Variants in ALYREF observed in about 807,000 individuals in gnomAD.
The protein encoded by ALYREF is THO complex subunit 4.
Under a neutral mutation model 25.2 loss-of-function variants are expected in ALYREF, and 1 was observed. The ratio of observed to expected loss-of-function variants is 0.04; its 90% CI spans 0.01 to 0.19. ALYREF has a LOEUF of 0.19. Ranked by LOEUF, ALYREF falls within the 10% of genes least tolerant of loss-of-function variation. ALYREF has a pLI of 1.00. For missense variants in ALYREF, 328 were observed against 375.6 expected (o/e 0.87, Z 1.05); for synonymous variants, 193 against 153.5 (o/e 1.26, Z -1.90).
At position 81,888,922 on chromosome 17, in the gene ALYREF, G is replaced by C; in HGVS notation, c.538+260C>G. 7.1e-7 allele frequency: 1 copy of C among 1,411,192 alleles called. No individual in the cohort carries two copies. Among genetic ancestry groups the C allele is most frequent in the Non-Finnish European group, 9.2e-7 (1 of 1,084,594 alleles). The allele number at this position is 1,411,192 out of a possible 1,614,324, so 87.4% of individuals were successfully genotyped here. On this transcript the variant is annotated intron_variant, in intron 3 of 5. Coordinates refer to ENST00000505490, the MANE Select transcript of ALYREF (RefSeq NM_005782.4). The surrounding 1 kb of genome is among the most constrained non-coding windows in gnomAD (Gnocchi z 5.8). ...CCCGCACTCAGAGGTGTACTATGGC[G>C]GTTCTGAGAAGGCTTCACAGAAGTG...
At position 81,890,829 on chromosome 17, in the gene ALYREF, A is replaced by C. The variant is rs1197649589; in HGVS notation, c.259-9T>G. ...TCGGGAAGTTGTTTTGGCTGAAAAA[A>C]AAACCGCAACAAGAGCAGATCTGTG... On this transcript the variant is annotated splice_polypyrimidine_tract_variant and intron_variant, in intron 1 of 5. Coordinates refer to ENST00000505490, the MANE Select transcript of ALYREF (RefSeq NM_005782.4). 1 of 1,614,010 alleles carries C rather than the reference A, an allele frequency of 6.2e-7. No homozygotes were observed.
chr17:81,888,112 C>G lies in ALYREF; in HGVS notation c.*19G>C, dbSNP rs374614336. 10 of 1,613,940 alleles carry G rather than the reference C, an allele frequency of 6.2e-6. No individual in the cohort carries two copies. Among genetic ancestry groups the G allele is most frequent in the South Asian group, 2.2e-5 (2 of 91,080 alleles). On this transcript the variant is annotated 3_prime_UTR_variant, in exon 6 of 6. Transcript: ENST00000505490. The surrounding 1 kb of genome is among the most constrained non-coding windows in gnomAD (Gnocchi z 5.8). ...GGAGACGCCTGGGTCCTGTTCCGCA[C>G]GCGGATTTGCTGGTCTGTTTAACTG...
intron 2 of ALYREF, among the ~76,000 whole-genome samples, chr17:81,889,598 C>T (rs528481434): frequency 6.6e-6 from 1 of 152,290 alleles, no homozygotes; most frequent in African/African-American, 2.4e-5. Context: ...GCAACGGGCA[C>T]AAAATTAAGC....
At chr17:81,889,391 A>G (rs1259380184) in intron 2 of ALYREF, 62 bp from the exon 3 acceptor site, 1 of 1,590,536 alleles carries the variant, frequency 6.3e-7, no homozygotes, top group East Asian at 2.2e-5. Context: ...CTGGTGGCCC[A>G]GGGACAGGCC....
Position 81,888,100 on chromosome 17 carries a change from T to C in ALYREF, c.*31A>G. ...CAGGGAGCAAGAGGAGACGCCTGGG[T>C]CCTGTTCCGCACGCGGATTTGCTGG... On this transcript the variant is annotated 3_prime_UTR_variant, in exon 6 of 6. Coordinates refer to ENST00000505490, the MANE Select transcript of ALYREF (RefSeq NM_005782.4). This position sits in a 1 kb window ranked among gnomAD's most constrained non-coding sequence, Gnocchi z 5.8. The C allele has an allele frequency of 6.2e-7, 1 of 1,613,524 alleles. No homozygotes were observed. The highest frequency in any genetic ancestry group is 8.5e-7 in the Non-Finnish European group (1 of 1,179,972).
chr17:81,888,304 C>T lies in ALYREF; in HGVS notation c.717G>A (p.Arg239=), dbSNP rs765953765. 1 of 1,607,652 alleles carries T rather than the reference C, an allele frequency of 6.2e-7. No individual in the cohort carries two copies. The highest frequency in any genetic ancestry group is 1.1e-5 in the South Asian group (1 of 90,980). The change falls in exon 5 of 6, where the codon AGG becomes AGA. Residue 239 remains arginine (R), a synonymous_variant. Coordinates refer to ENST00000505490, the MANE Select transcript of ALYREF (RefSeq NM_005782.4). This position sits in a 1 kb window ranked among gnomAD's most constrained non-coding sequence, Gnocchi z 5.8. ...GARGRGRGAG[R]NSKQQLSAEE... is the part of the protein sequence containing the mutation. ...CTGCCGAAAGCTGCTGCTTTGAATT[C>T]CTGCCGGCACCTCTGCCTCTTCCAC...
At position 81,890,768 on chromosome 17, in the gene ALYREF, C is replaced by T; in HGVS notation, c.311G>A (p.Gly104Asp). The T allele has an allele frequency of 1.2e-6, 2 of 1,614,152 alleles. No homozygotes were observed. The highest frequency in any genetic ancestry group is 1.7e-6 in the Non-Finnish European group (2 of 1,180,030). The change falls in exon 2 of 6, where the codon GGC (glycine) becomes GAC (aspartate). Residue 104 changes from glycine (G) to aspartate (D), a missense_variant. Gly to Asp is a moderately conservative substitution (Grantham distance 94). This residue lies in a region of ALYREF where 70 missense variants were observed against 129.9 expected (regional missense o/e 0.54). Coordinates refer to ENST00000505490, the MANE Select transcript of ALYREF (RefSeq NM_005782.4). ...ACCTGTCTCCACGCCGGCACCACCG[C>T]CGAAGCCACTGTCGAAAAGATCGTG... ...WQHDLFDSGFGGGAGVETGGK... is the reference protein window; with the variant it reads ...WQHDLFDSGFDGGAGVETGGK...
chr17:81,890,657 G>C (rs567034903), intron 2 of ALYREF, 32 bp downstream of exon 2: 1 of 1,608,696 alleles, frequency 6.2e-7, no homozygotes, highest in East Asian at 2.2e-5. Flanking sequence ...TGTGCAGGGC[G>C]AACGGCTCAC....
chr17:81,889,427 T>C (rs1598290807), intron 2 of ALYREF, 98 bp from the exon 3 acceptor site: 1 of 1,412,120 alleles, frequency 7.1e-7, no homozygotes. Flanking sequence ...GCTTTGGGGG[T>C]GGTTCTCTGG....
At chr17:81,890,855 A>C in intron 1 of ALYREF, 35 bp from the exon 2 acceptor site, 1 of 1,613,700 alleles carries the variant, frequency 6.2e-7, no homozygotes, top group African/African-American at 1.3e-5. Flanking sequence ...CAGATCTGTG[A>C]GTCTCAGTCC....
intron 2 of ALYREF, chr17:81,889,691 G>A (rs776007565): frequency 2.2e-5 from 5 of 227,706 alleles, no homozygotes; most frequent in Non-Finnish European, 3.6e-5. Flanking sequence ...TCAAGAGCAA[G>A]GGAAGCAGTC....
Position 81,888,055 on chromosome 17 carries a change from C to T in ALYREF, c.*76G>A. 1 of 1,593,686 alleles carries T rather than the reference C, an allele frequency of 6.3e-7. No homozygotes were observed. The highest frequency in any genetic ancestry group is 2.2e-5 in the East Asian group (1 of 44,726). ...ACAAATCCATCATTGGCCGCACAGC[C>T]CCAGCCACCGCCCCCCAACCAGGGA... is the stretch of plus-strand genomic sequence containing the variant. On this transcript the variant is annotated 3_prime_UTR_variant, in exon 6 of 6. Coordinates refer to ENST00000505490, the MANE Select transcript of ALYREF (RefSeq NM_005782.4). This position sits in a 1 kb window ranked among gnomAD's most constrained non-coding sequence, Gnocchi z 5.8.
Position 81,891,520 on chromosome 17 carries a change from T to C in ALYREF, c.61A>G (p.Lys21Glu), listed in dbSNP as rs567109460. ...KMDMSLDDIIKLNRSQRGGRG... is the reference protein window; with the variant it reads ...KMDMSLDDIIELNRSQRGGRG... The stretch of plus-strand genomic sequence containing the variant: ...CCGCCTCGCTGGCTCCGGTTCAGTT[T>C]AATGATGTCGTCCAGAGACATGTCC... Residue 21 changes from lysine (K) to glutamate (E), a missense_variant, in exon 1 of 6, where the codon AAA (lysine) becomes GAA (glutamate). Transcript: ENST00000505490. 11 of 1,403,482 alleles carry C rather than the reference T, an allele frequency of 7.8e-6. No homozygotes were observed. In the African/African-American group the frequency reaches 9.1e-5, roughly 12 times the overall value. 86.9% of individuals were successfully genotyped at this position (1,403,482 alleles called of 1,614,324 possible). A position where few individuals can be genotyped will look rare whatever the true frequency, so the allele number is the denominator to read the frequency against.
rs906820307 is a variant in ALYREF at position 81,890,917 on chromosome 17, G to A, written c.259-97C>T. ...TCCGGACCCTTCCTCTTCCCGGCCT[G>A]AGAGGATCCGGCCGAAACGGGGCCG... is the stretch of plus-strand genomic sequence containing the variant. On this transcript the variant is annotated intron_variant, in intron 1 of 5. Coordinates refer to ENST00000505490, the MANE Select transcript of ALYREF (RefSeq NM_005782.4). 13 of 1,552,066 alleles carry A rather than the reference G, an allele frequency of 8.4e-6. No individual in the cohort carries two copies. In the African/African-American group the frequency reaches 1.6e-4, roughly 20 times the overall value.
At chr17:81,891,231 CCCGCCGGCCCGGGTCT>C (rs1316687585) in intron 1 of ALYREF, 76 bp downstream of exon 1, 1 of 1,020,564 alleles carries the variant, frequency 9.8e-7, no homozygotes, top group African/African-American at 1.7e-5. Context: ...GCCTTATCCA[CCCGCCGGCCCGGGTCT>C]CCGCCGCGAG....
intron 2 of ALYREF, among the ~76,000 whole-genome samples, chr17:81,890,474 TTCAGAC>T (rs1431543535): frequency 2.0e-5 from 3 of 152,204 alleles, no homozygotes; most frequent in Non-Finnish European, 4.4e-5. Context: ...AGAACCCATC[TTCAGAC>T]TAACAGCAGC....
rs1348466892 is a variant in ALYREF, at chr17:81,889,188, G to A, written c.532C>T (p.Leu178=). 7.4e-6 allele frequency: 12 copies of A among 1,614,022 alleles called. No individual in the cohort carries two copies. The African/African-American group carries it at 8.0e-5, about 11-fold the overall frequency. ...GGTCCACCCCCAGACTCACCATCCA[G>A]AGGGACGCCGTTGTACTGCTTCATG... The part of the protein sequence containing the change: ...KAMKQYNGVP[L]DGRPMNIQLV... The change falls in exon 3 of 6, where the codon CTG becomes TTG. Residue 178 remains leucine (L), a synonymous_variant. Coordinates refer to ENST00000505490, the MANE Select transcript of ALYREF (RefSeq NM_005782.4).
In ALYREF at chr17:81,888,418, G is replaced by A. The variant is rs537441077; in HGVS notation, c.603C>T (p.Ser201=). 3.9e-5 allele frequency: 63 copies of A among 1,598,472 alleles called. No homozygotes were observed. The South Asian group carries it at 4.2e-4, about 11-fold the overall frequency. Residue 201 remains serine (S), a splice_region_variant and synonymous_variant, in exon 5 of 6, where the codon AGC becomes AGT. Transcript: ENST00000505490. This position sits in a 1 kb window ranked among gnomAD's most constrained non-coding sequence, Gnocchi z 5.8. ...QIDAQRRPAQ[S]VNRGGMTRNR... is the part of the protein sequence containing the mutation. The stretch of plus-strand genomic sequence containing the variant: ...TTCTAGTCATGCCACCTCTGTTTAC[G>A]CTAGCAAGGAAGACGAAACCGTTCA...
rs1251161281 is a variant in ALYREF at position 81,888,017 on chromosome 17, A to C, written c.*114T>G. Reference sequence around the variant, plus strand: ...ACATGAGTTTTTAAATCCTATTTTAAAACATAAAAGAAACAAATCCATCAT... The same window carrying C: ...ACATGAGTTTTTAAATCCTATTTTACAACATAAAAGAAACAAATCCATCAT... On this transcript the variant is annotated 3_prime_UTR_variant, in exon 6 of 6. Transcript: ENST00000505490. This position sits in a 1 kb window ranked among gnomAD's most constrained non-coding sequence, Gnocchi z 5.8. 1.5e-6 allele frequency: 2 copies of C among 1,354,098 alleles called. No homozygotes were observed. The highest frequency in any genetic ancestry group is 4.7e-5 in the Admixed American group (2 of 42,158). The allele number at this position is 1,354,098 out of a possible 1,614,324, so 83.9% of individuals were successfully genotyped here. A position where few individuals can be genotyped will look rare whatever the true frequency, so the allele number is the denominator to read the frequency against.
Sources: allele counts gnomAD v4.1 joint callset (sites outside exome capture counted in the v4.1 genomes callset), GRCh38; gene constraint gnomAD v4.1.1; regional missense constraint gnomAD v4.1.1; non-coding constraint Gnocchi (gnomAD v3.1); transcripts MANE v1.5; gene names NCBI Gene and HGNC (gene_info 2026-07-23, HGNC 2026-07-21).